Variants in CELF2 observed in about 807,000 individuals in gnomAD.
The protein encoded by CELF2 is CUG triplet repeat RNA-binding protein 2.
A neutral mutation model predicts 62.6 loss-of-function variants in CELF2; 8 were observed. That is an observed-to-expected ratio of 0.13 (90% CI 0.07 to 0.23). The LOEUF is 0.23. Among genes scored for constraint, CELF2 ranks in the 10% least tolerant of loss-of-function variants. CELF2 has a pLI of 1.00. For missense variants in CELF2, 333 were observed against 671.0 expected (o/e 0.50, Z 5.56); for synonymous variants, 258 against 250.0 (o/e 1.03, Z -0.30).
rs143366643 is a variant in CELF2, at chr10:11,123,921, C to A, written c.75-41565C>A. Among the ~76,000 whole-genome samples the A allele has an allele frequency of 1.1e-3, 163 of 152,224 alleles. 1 individual carries two copies. The highest frequency in any genetic ancestry group is 3.6e-3 in the African/African-American group (151 of 41,514). ...GCTGCTAATAAAGACATACCCAAGA[C>A]TGGGTAATTTATAAAGAAAAAGAGG... On this transcript the variant is annotated intron_variant, in intron 1 of 12. Coordinates refer to ENST00000633077, the MANE Select transcript of CELF2 (RefSeq NM_001326342.2).
chr10:11,212,917 A>G (rs950403503), intron 2 of CELF2, among the ~76,000 whole-genome samples: 12 of 152,186 alleles, frequency 7.9e-5, no homozygotes, highest in Non-Finnish European at 1.8e-4. Context: ...AAGCAGTGGC[A>G]TGAATCGTCC....
At chr10:11,310,403 A>G (rs1379965562) in intron 9 of CELF2, among the ~76,000 whole-genome samples, 1 of 152,204 alleles carries the variant, frequency 6.6e-6, no homozygotes, top group African/African-American at 2.4e-5. Context: ...TGTGGGTCAC[A>G]TGCCACAGAT....
chr10:10,580,354 G>A, the CELF2 span, among the ~76,000 whole-genome samples: 3 of 152,132 alleles, frequency 2.0e-5, no homozygotes, highest in Non-Finnish European at 2.9e-5. Context: ...AACCATGCTG[G>A]CATCTAGAAT....
At chr10:11,167,685 ATTAC>A (rs1253656331) in intron 2 of CELF2, among the ~76,000 whole-genome samples, 1 of 152,226 alleles carries the variant, frequency 6.6e-6, no homozygotes, top group Non-Finnish European at 1.5e-5. Context: ...ACTGTGCCTG[ATTAC>A]TAATTTGGCG....
chr10:11,143,052 G>A (rs932659854), intron 1 of CELF2, among the ~76,000 whole-genome samples: 7 of 151,436 alleles, frequency 4.6e-5, no homozygotes, highest in Non-Finnish European at 8.8e-5. Context: ...CCTCCACTGG[G>A]GGGACTCACT....
the CELF2 span, among the ~76,000 whole-genome samples, chr10:10,637,001 G>A: frequency 6.6e-6 from 1 of 152,142 alleles, no homozygotes; most frequent in African/African-American, 2.4e-5. Context: ...CAGGTAGAAA[G>A]TACTTTAGAT....
intron 2 of CELF2, among the ~76,000 whole-genome samples, chr10:11,167,117 T>C (rs116708466): frequency 0.014 from 2,147 of 152,364 alleles, 49 homozygotes; most frequent in African/African-American, 0.049. Flanking sequence ...ATCTGTAGAT[T>C]TTTAAACTTC....
chr10:11,165,500 A>G lies in CELF2; in HGVS notation c.89A>G (p.Asn30Ser). ...GTTTTTGACAGTAACGGCACAGCCA[A>G]CAAGATGAACGGAGCTTTGGATCAC... ...LVPDRINGTA[N>S]KMNGALDHSD... Residue 30 changes from asparagine to serine, a missense_variant, in exon 2 of 13, where the codon AAC becomes AGC. Transcript: ENST00000633077. This position sits in a 1 kb window ranked among gnomAD's most constrained non-coding sequence, Gnocchi z 7.4. 1 of 1,613,816 alleles carries G rather than the reference A, an allele frequency of 6.2e-7. No homozygotes were observed. Among genetic ancestry groups the G allele is most frequent in the South Asian group, 1.1e-5 (1 of 91,042 alleles).
chr10:10,557,253 G>T, the CELF2 span, among the ~76,000 whole-genome samples: 3 of 146,452 alleles, frequency 2.0e-5, no homozygotes, highest in Admixed American at 6.8e-5. Flanking sequence ...TCTACATATG[G>T]CTAGCCAGTT....
chr10:10,991,677 T>A (rs2053457189), intron 2 of CELF2, among the ~76,000 whole-genome samples: 1 of 152,206 alleles, frequency 6.6e-6, no homozygotes, highest in Non-Finnish European at 1.5e-5. Flanking sequence ...ATTTCTCTAA[T>A]GTTGCTACAG....
chr10:10,960,061 C>A (rs201077), intron 2 of CELF2: 1 of 152,164 alleles, frequency 6.6e-6, no homozygotes, highest in South Asian at 2.1e-4. Flanking sequence ...CATTACACTG[C>A]AATTGGGATG....
chr10:11,274,969 G>T, intron 7 of CELF2, 88 bp from the exon 8 acceptor site: 2 of 1,262,348 alleles, frequency 1.6e-6, no homozygotes, highest in East Asian at 4.7e-5. Context: ...CCCTGGAAAT[G>T]CAGAGTAAAC....
At chr10:11,160,591 C>T (rs1157620407) in intron 1 of CELF2, among the ~76,000 whole-genome samples, 2 of 142,264 alleles carry the variant, frequency 1.4e-5, no homozygotes, top group Non-Finnish European at 3.0e-5. Flanking sequence ...AAATACAGAA[C>T]ATTTCCTTCA....
chr10:10,699,683 T>G, the CELF2 span, among the ~76,000 whole-genome samples: 1 of 152,176 alleles, frequency 6.6e-6, no homozygotes, highest in Non-Finnish European at 1.5e-5. Context: ...TTTGAGGAAC[T>G]GAAAGAAGAC....
chr10:11,225,417 T>C (rs1196485590), intron 3 of CELF2, among the ~76,000 whole-genome samples: 2 of 152,232 alleles, frequency 1.3e-5, no homozygotes, highest in Non-Finnish European at 2.9e-5. Context: ...CTTGCAAAAC[T>C]CTTCTTTGCT....
intron 2 of CELF2, among the ~76,000 whole-genome samples, chr10:11,195,688 G>A (rs1445872470): frequency 2.0e-5 from 3 of 152,216 alleles, no homozygotes; most frequent in Non-Finnish European, 4.4e-5. Flanking sequence ...TACGCTTGCT[G>A]GAGAAGGGAA....
the CELF2 span, among the ~76,000 whole-genome samples, chr10:10,501,202 T>C: frequency 6.6e-6 from 1 of 152,238 alleles, no homozygotes; most frequent in South Asian, 2.1e-4. Context: ...AGACTGGCTG[T>C]ACCATTTTGC....
intron 2 of CELF2, among the ~76,000 whole-genome samples, chr10:11,197,781 G>GAA (rs2058331926): frequency 6.6e-6 from 1 of 152,212 alleles, no homozygotes; most frequent in African/African-American, 2.4e-5. Context: ...GTCTCCTCAT[G>GAA]CTTAGTGTGC....
chr10:10,544,043 G>T, the CELF2 span, among the ~76,000 whole-genome samples: 10 of 152,306 alleles, frequency 6.6e-5, no homozygotes, highest in South Asian at 2.1e-3. Context: ...ACAACTGAAG[G>T]CATATGTTCT....
Sources: gnomAD v4.1 joint callset for allele counts (sites outside exome capture counted in the v4.1 genomes callset) on GRCh38, gnomAD v4.1.1 for gene constraint, Gnocchi (gnomAD v3.1) non-coding constraint, MANE v1.5 for transcripts, NCBI Gene and HGNC (gene_info 2026-07-23, HGNC 2026-07-21) for gene names.